KCNJ6: variants seen among roughly 807,000 people sequenced by gnomAD.
KCNJ6 encodes G protein-activated inward rectifier potassium channel 2.
A neutral mutation model predicts 34.2 loss-of-function variants in KCNJ6; 9 were observed. The observed-to-expected ratio is 0.26, with a 90% confidence interval of 0.16 to 0.46. KCNJ6 has a LOEUF of 0.46. Ranked by LOEUF, KCNJ6 falls within the 20% of genes least tolerant of loss-of-function variation. The pLI, the probability that KCNJ6 is intolerant of heterozygous loss-of-function variation, is 1.00. For synonymous variants in KCNJ6, 196 were observed against 207.1 expected (o/e 0.95, Z 0.46); for missense variants, 236 against 531.3 (o/e 0.44, Z 5.46).
At chr21:37,805,352 C>T (rs2055288683) in intron 2 of KCNJ6, among the ~76,000 whole-genome samples, 1 of 151,350 alleles carries the variant, frequency 6.6e-6, no homozygotes, top group East Asian at 2.0e-4. Flanking sequence ...CTGTCTTCTG[C>T]TTGAATCTTA....
At chr21:37,736,754 C>T (rs2054915154) in intron 2 of KCNJ6, among the ~76,000 whole-genome samples, 1 of 152,198 alleles carries the variant, frequency 6.6e-6, no homozygotes, top group African/African-American at 2.4e-5. Flanking sequence ...CTGTTCACCT[C>T]TGCAGCCTGC....
In KCNJ6 at chr21:37,607,492, T is replaced by A. The variant is rs1203307717; in HGVS notation, c.*17667A>T. The A allele has an allele frequency of 2.0e-5, 2 of 98,682 alleles. No individual in the cohort carries two copies. The highest frequency in any genetic ancestry group is 7.7e-5 in the African/African-American group (2 of 26,052). 6.1% of individuals were successfully genotyped at this position (98,682 alleles called of 1,614,324 possible). A position where few individuals can be genotyped will look rare whatever the true frequency, so the allele number is the denominator to read the frequency against. On this transcript the variant is annotated 3_prime_UTR_variant, in exon 4 of 4. Transcript: ENST00000609713. ...TATATATATATATATATTTTTTTTT[T>A]ATTTTAAAAAAATTTGGCATTGTAG...
chr21:37,784,994 G>T (rs1353922820), intron 2 of KCNJ6, among the ~76,000 whole-genome samples: 1 of 152,178 alleles, frequency 6.6e-6, no homozygotes, highest in Non-Finnish European at 1.5e-5. Context: ...AGAGCCCCCA[G>T]ACTCGTGTCT....
intron 3 of KCNJ6, among the ~76,000 whole-genome samples, chr21:37,647,917 C>T (rs1004278276): frequency 4.6e-5 from 7 of 152,312 alleles, no homozygotes; most frequent in Non-Finnish European, 8.8e-5. Context: ...GTTGATATTG[C>T]GTGGAAAATG....
chr21:37,736,623 A>G (rs546746259), intron 2 of KCNJ6, among the ~76,000 whole-genome samples: 1 of 152,312 alleles, frequency 6.6e-6, no homozygotes, highest in African/African-American at 2.4e-5. Flanking sequence ...TCTGAGAGAT[A>G]AAGCATGGTG....
chr21:37,797,054 A>T (rs1236573506), intron 2 of KCNJ6, among the ~76,000 whole-genome samples: 1 of 150,778 alleles, frequency 6.6e-6, no homozygotes, highest in Admixed American at 6.6e-5. Flanking sequence ...CGGCCTCCCA[A>T]AGTGCTGGGC....
At chr21:37,818,207 C>CGTGTGTGT (rs1281572811) in intron 2 of KCNJ6, among the ~76,000 whole-genome samples, 829 of 81,014 alleles carry the variant, frequency 0.01, 4 homozygotes, top group Middle Eastern at 0.012. Context: ...TGTGTGTGTG[C>CGTGTGTGT]GTGCGTGTGT....
At chr21:37,704,917 C>T (rs565606293) in intron 3 of KCNJ6, among the ~76,000 whole-genome samples, 11 of 152,170 alleles carry the variant, frequency 7.2e-5, no homozygotes, top group East Asian at 1.9e-4. Context: ...ATACTTGGCA[C>T]GGCACCAGGG....
chr21:37,711,360 A>G (rs559794224), intron 3 of KCNJ6, among the ~76,000 whole-genome samples: 1 of 152,296 alleles, frequency 6.6e-6, no homozygotes, highest in African/African-American at 2.4e-5. Flanking sequence ...GAAGGTGGCC[A>G]TGTGGGCCTT....
intron 1 of KCNJ6, among the ~76,000 whole-genome samples, chr21:37,879,370 G>C (rs2055695188): frequency 6.6e-6 from 1 of 152,146 alleles, no homozygotes; most frequent in Non-Finnish European, 1.5e-5. Flanking sequence ...TGCTCCCACT[G>C]GATTCCTAGT....
At chr21:37,662,122 G>A (rs2054492344) in intron 3 of KCNJ6, among the ~76,000 whole-genome samples, 1 of 152,032 alleles carries the variant, frequency 6.6e-6, no homozygotes, top group Non-Finnish European at 1.5e-5. Flanking sequence ...TAAGTTCCAG[G>A]ATACATGTGC....
Position 37,621,283 on chromosome 21 carries a change from T to A in KCNJ6, c.*3876A>T, listed in dbSNP as rs1021749477. The A allele has an allele frequency of 4.6e-5, 7 of 152,212 alleles. No homozygotes were observed. The highest frequency in any genetic ancestry group is 1.7e-4 in the African/African-American group (7 of 41,458). The allele number at this position is 152,212 out of a possible 1,614,324, so 9.4% of individuals were successfully genotyped here. ...AATGATTTACTATGAGTATTTTAATTGTATTCTCTCAGCAAATCAAATGAT... is the reference window on the plus strand; with the variant it reads ...AATGATTTACTATGAGTATTTTAATAGTATTCTCTCAGCAAATCAAATGAT... On this transcript the variant is annotated 3_prime_UTR_variant, in exon 4 of 4. Coordinates refer to ENST00000609713, the MANE Select transcript of KCNJ6 (RefSeq NM_002240.5).
intron 1 of KCNJ6, among the ~76,000 whole-genome samples, chr21:37,855,128 T>C (rs2055558244): frequency 1.3e-5 from 2 of 152,242 alleles, no homozygotes; most frequent in African/African-American, 2.4e-5. Context: ...ATACCGAGTA[T>C]GCTCTCTGAT....
At chr21:37,663,544 A>T (rs1265978802) in intron 3 of KCNJ6, among the ~76,000 whole-genome samples, 1 of 152,204 alleles carries the variant, frequency 6.6e-6, no homozygotes, top group Non-Finnish European at 1.5e-5. Flanking sequence ...AAGCTAAAAT[A>T]ATAGGAAGGG....
intron 3 of KCNJ6, among the ~76,000 whole-genome samples, chr21:37,627,473 T>C (rs116399148): frequency 0.015 from 2,303 of 152,286 alleles, 59 homozygotes; most frequent in African/African-American, 0.05. Flanking sequence ...GGCAGTGATA[T>C]GTGGGCTCAG....
intron 2 of KCNJ6, among the ~76,000 whole-genome samples, chr21:37,721,833 G>A (rs964610862): frequency 1.3e-5 from 2 of 152,220 alleles, no homozygotes; most frequent in Admixed American, 6.5e-5. Flanking sequence ...TTTGTCTTGG[G>A]TGTAGAGCAG....
chr21:37,693,517 C>T (rs534716826), intron 3 of KCNJ6, among the ~76,000 whole-genome samples: 16 of 152,208 alleles, frequency 1.1e-4, no homozygotes, highest in African/African-American at 2.9e-4. Context: ...GGCCACCGTA[C>T]GCCCCTTGGG....
chr21:37,676,957 TG>T (rs1471812784), intron 3 of KCNJ6, among the ~76,000 whole-genome samples: 1 of 152,198 alleles, frequency 6.6e-6, no homozygotes, highest in Non-Finnish European at 1.5e-5. Flanking sequence ...CAGTCCCCAT[TG>T]GGACCTGAGA....
chr21:37,874,823 A>G (rs2055669763), intron 1 of KCNJ6, among the ~76,000 whole-genome samples: 1 of 152,058 alleles, frequency 6.6e-6, no homozygotes, highest in South Asian at 2.1e-4. Flanking sequence ...AAACACATTC[A>G]CAATCCAAGC....
Sources: allele counts gnomAD v4.1 joint callset (sites outside exome capture counted in the v4.1 genomes callset), GRCh38; gene constraint gnomAD v4.1.1; transcripts MANE v1.5; gene names NCBI Gene and HGNC (gene_info 2026-07-23, HGNC 2026-07-21).